The following PATJ variants were observed in gnomAD, a reference collection of about 807,000 sequenced individuals.
The protein encoded by PATJ is inaD-like protein.
In PATJ, 190 loss-of-function variants were observed where a neutral mutation model predicts 224.9. The observed-to-expected ratio is 0.84, with a 90% CI of 0.75 to 0.95. The LOEUF is 0.95. Ranked by LOEUF, PATJ falls within the 40% of genes least tolerant of loss-of-function variation. The pLI is 0.00. For synonymous variants in PATJ, 769 were observed against 820.3 expected (o/e 0.94, Z 1.07); for missense variants, 2,121 against 2,270.3 (o/e 0.93, Z 1.34).
chr1:62,136,931 A>G (rs2251367), intron 41 of PATJ, among the ~76,000 whole-genome samples: 1 of 152,004 alleles, frequency 6.6e-6, no homozygotes. Context: ...AGGGCTAATC[A>G]TCTTCTTTCG....
chr1:62,117,392 C>A, intron 37 of PATJ, 174 bp downstream of exon 37: 1 of 1,415,568 alleles, frequency 7.1e-7, no homozygotes, highest in Non-Finnish European at 9.2e-7. Context: ...GATGGAAATT[C>A]ATTAATCCCT....
rs142120603 is a variant in PATJ, at chr1:62,114,308, A to G, written c.4655+62A>G. 5.0e-5 allele frequency: 69 copies of G among 1,387,062 alleles called. No individual in the cohort carries two copies. In the African/African-American group the frequency reaches 9.5e-4, roughly 19 times the overall value. 85.9% of individuals were successfully genotyped at this position (1,387,062 alleles called of 1,614,324 possible). A position where few individuals can be genotyped will look rare whatever the true frequency, so the allele number is the denominator to read the frequency against. ...TCATCCAGAGCTCTGATGCCTGTGA[A>G]CACTGAAAGAGAAAGCCTAATGTAA... On this transcript the variant is annotated intron_variant, in intron 35 of 43. Coordinates refer to ENST00000642238, the MANE Select transcript of PATJ (RefSeq NM_001350145.3).
chr1:61,958,168 A>G (rs1188368079), intron 27 of PATJ, among the ~76,000 whole-genome samples: 2 of 152,028 alleles, frequency 1.3e-5, no homozygotes, highest in African/African-American at 4.8e-5. Context: ...TGTGATTTAC[A>G]TGTTTATTGT....
intron 7 of PATJ, among the ~76,000 whole-genome samples, chr1:61,777,349 G>A (rs983340260): frequency 3.3e-5 from 5 of 152,172 alleles, no homozygotes; most frequent in African/African-American, 1.2e-4. Context: ...AGGCTCTCTT[G>A]AGCCCAGGAG....
chr1:61,864,416 A>G lies in PATJ; in HGVS notation c.2618A>G (p.Asp873Gly), dbSNP rs925220920. The change falls in exon 20 of 44, where the codon GAT becomes GGT. Residue 873 changes from aspartate (D) to glycine (G), a missense_variant. Physicochemically the swap from Asp to Gly is moderately conservative, Grantham distance 94. Transcript: ENST00000642238. The stretch of plus-strand genomic sequence containing the variant: ...GATGAAGAAAGAGAAATTCTTGTTG[A>G]TGAAGAATATGAGTTATATCAAGAT... ...EMDEEREILVDEEYELYQDPS... is the reference protein window; with the variant it reads ...EMDEEREILVGEEYELYQDPS... 6.2e-7 allele frequency: 1 copy of G among 1,613,786 alleles called. No individual in the cohort carries two copies.
chr1:61,793,944 C>T (rs1208339833), intron 9 of PATJ, among the ~76,000 whole-genome samples: 2 of 148,644 alleles, frequency 1.3e-5, no homozygotes, highest in Non-Finnish European at 3.0e-5. Flanking sequence ...CTCTTGTTGC[C>T]CAGGCTGGGG....
intron 27 of PATJ, among the ~76,000 whole-genome samples, chr1:61,961,255 A>G (rs911873302): frequency 1.4e-5 from 2 of 142,170 alleles, no homozygotes; most frequent in African/African-American, 4.9e-5. Context: ...CCCACCCACT[A>G]TCGCAGCCTG....
intron 26 of PATJ, among the ~76,000 whole-genome samples, chr1:61,917,316 T>C (rs1673592925): frequency 6.6e-6 from 1 of 152,174 alleles, no homozygotes; most frequent in Admixed American, 6.5e-5. Context: ...TTCACTGCCA[T>C]AGTTTTCTGA....
At chr1:61,849,654 A>G (rs1382809592) in intron 17 of PATJ, among the ~76,000 whole-genome samples, 1 of 152,230 alleles carries the variant, frequency 6.6e-6, no homozygotes, top group Non-Finnish European at 1.5e-5. Context: ...TAGTTGACCA[A>G]CTTTATATGT....
At chr1:61,769,872 G>T (rs182060783) in intron 5 of PATJ, among the ~76,000 whole-genome samples, 12 of 152,192 alleles carry the variant, frequency 7.9e-5, no homozygotes, top group African/African-American at 2.9e-4. Context: ...CAACATTTTG[G>T]TGGTCATGTT....
chr1:61,922,447 A>C (rs1042338078), intron 26 of PATJ, among the ~76,000 whole-genome samples: 1 of 152,206 alleles, frequency 6.6e-6, no homozygotes, highest in Non-Finnish European at 1.5e-5. Context: ...CAGGGACCTC[A>C]TCTGTTGCAT....
rs554787451 is a variant in PATJ at position 61,855,952 on chromosome 1, A to G, written c.2113-78A>G. The G allele has an allele frequency of 5.0e-4, 492 of 974,314 alleles. 2 individuals carry two copies. The Middle Eastern group carries it at 5.3e-3, about 10-fold the overall frequency. The allele number at this position is 974,314 out of a possible 1,614,324, so 60.4% of individuals were successfully genotyped here. A position where few individuals can be genotyped will look rare whatever the true frequency, so the allele number is the denominator to read the frequency against. ...AGTAAGTGGTCAAATAAGATTCATC[A>G]GTCAACTCAAGCTGTCCTAAGGCTG... On this transcript the variant is annotated intron_variant, in intron 17 of 43. Coordinates refer to ENST00000642238, the MANE Select transcript of PATJ (RefSeq NM_001350145.3).
At chr1:61,754,540 T>G (rs2148216188) in intron 1 of PATJ, among the ~76,000 whole-genome samples, 1 of 148,126 alleles carries the variant, frequency 6.8e-6, no homozygotes, top group East Asian at 2.0e-4. Flanking sequence ...TTTTTTTTTT[T>G]TTGTAGATAC....
At chr1:61,944,512 G>C (rs1678356775) in intron 27 of PATJ, among the ~76,000 whole-genome samples, 1 of 152,192 alleles carries the variant, frequency 6.6e-6, no homozygotes, top group African/African-American at 2.4e-5. Flanking sequence ...GAAGGGAGAA[G>C]AGAAGCTTAG....
rs1282509751 is a variant in PATJ, at chr1:62,162,326, T to C, written c.*1272T>C. ...CAAGGTCTAGGTGGCCTTGGCCTTA[T>C]GCAAAGTGGGTGACATATTTGATTA... On this transcript the variant is annotated 3_prime_UTR_variant, in exon 44 of 44. Transcript: ENST00000642238. 1.3e-5 allele frequency: 2 copies of C among 152,208 alleles called. No individual in the cohort carries two copies. The highest frequency in any genetic ancestry group is 2.9e-5 in the Non-Finnish European group (2 of 68,052). The allele number at this position is 152,208 out of a possible 1,614,324, so 9.4% of individuals were successfully genotyped here.
intron 31 of PATJ, among the ~76,000 whole-genome samples, chr1:62,059,561 G>A (rs1328838906): frequency 6.6e-6 from 1 of 151,918 alleles, no homozygotes; most frequent in Non-Finnish European, 1.5e-5. Flanking sequence ...AGGTTGCAAT[G>A]AGCCGAGATT....
intron 31 of PATJ, among the ~76,000 whole-genome samples, chr1:62,074,326 G>A (rs939407781): frequency 3.3e-5 from 5 of 151,630 alleles, no homozygotes; most frequent in East Asian, 1.9e-4. Context: ...CCTGCACGTT[G>A]TGCACATGTA....
chr1:61,928,024 G>A (rs755545697), intron 27 of PATJ, among the ~76,000 whole-genome samples, 195 bp downstream of exon 27: 7 of 152,174 alleles, frequency 4.6e-5, no homozygotes, highest in Non-Finnish European at 8.8e-5. Context: ...CTGAGAAAGG[G>A]AATATTGAAG....
At chr1:62,149,834 T>G (rs1668446301) in intron 42 of PATJ, among the ~76,000 whole-genome samples, 1 of 151,756 alleles carries the variant, frequency 6.6e-6, no homozygotes, top group Admixed American at 6.6e-5. Flanking sequence ...GCCTTCTATA[T>G]GAAAGTAAAT....
Sources: gnomAD v4.1 joint callset for allele counts (sites outside exome capture counted in the v4.1 genomes callset) on GRCh38, gnomAD v4.1.1 for gene constraint, MANE v1.5 for transcripts, NCBI Gene and HGNC (gene_info 2026-07-23, HGNC 2026-07-21) for gene names.